Variants in MYO16 observed in about 807,000 individuals in gnomAD.
MYO16 encodes the protein myosin XVI.
In MYO16, 94 loss-of-function variants were observed where a neutral mutation model predicts 205.3. That is an observed-to-expected ratio of 0.46 (90% CI 0.39 to 0.54). MYO16 has a LOEUF of 0.54. Ranked by LOEUF, MYO16 falls within the 20% of genes least tolerant of loss-of-function variation. MYO16 has a pLI of 0.00. For synonymous variants in MYO16, 988 were observed against 954.0 expected, an observed-to-expected ratio of 1.04 and a Z score of -0.66; for missense variants, 2,315 against 2,387.5, an observed-to-expected ratio of 0.97 and a Z score of 0.63.
At chr13:109,043,923 G>A (rs1341250058) in intron 23 of MYO16, among the ~76,000 whole-genome samples, 1 of 152,194 alleles carries the variant, frequency 6.6e-6, no homozygotes, top group Non-Finnish European at 1.5e-5. Flanking sequence ...GCTGGGGCTG[G>A]AAGCTTGAAA....
At chr13:109,012,421 T>A (rs1885632790) in intron 22 of MYO16, among the ~76,000 whole-genome samples, 1 of 152,178 alleles carries the variant, frequency 6.6e-6, no homozygotes, top group African/African-American at 2.4e-5. Flanking sequence ...AGCAGGAACC[T>A]ATGAGAGGGA....
intron 9 of MYO16, among the ~76,000 whole-genome samples, chr13:108,835,151 A>C (rs1246775995): frequency 4.6e-5 from 7 of 152,048 alleles, no homozygotes; most frequent in Non-Finnish European, 8.8e-5. Context: ...CCCAAATCTC[A>C]TCTTGAATTA....
intron 4 of MYO16, among the ~76,000 whole-genome samples, chr13:108,772,238 G>A (rs966054630): frequency 6.6e-6 from 1 of 151,984 alleles, no homozygotes; most frequent in Non-Finnish European, 1.5e-5. Flanking sequence ...GCACACCTGT[G>A]GTCCCAGCTA....
intron 4 of MYO16, among the ~76,000 whole-genome samples, chr13:108,738,873 T>A (rs1265188773): frequency 6.6e-6 from 1 of 152,206 alleles, no homozygotes; most frequent in Admixed American, 6.5e-5. Context: ...GTTGAATTGA[T>A]CCCTTTACTG....
At chr13:109,071,298 T>C (rs910693452) in intron 27 of MYO16, among the ~76,000 whole-genome samples, 19 of 152,166 alleles carry the variant, frequency 1.2e-4, no homozygotes, top group African/African-American at 4.1e-4. Context: ...TTGTCAAAAC[T>C]TGGATAACTT....
intron 16 of MYO16, among the ~76,000 whole-genome samples, chr13:108,943,406 A>G (rs1253659667): frequency 6.6e-6 from 1 of 152,184 alleles, no homozygotes; most frequent in Non-Finnish European, 1.5e-5. Context: ...TTTAAGGGTG[A>G]TATCATCAAC....
rs1315652570 is a variant in MYO16 at position 109,127,352 on chromosome 13, C to T, written c.3853C>T (p.Leu1285=). The T allele has an allele frequency of 6.2e-7, 1 of 1,613,490 alleles. No homozygotes were observed. The highest frequency in any genetic ancestry group is 1.3e-5 in the African/African-American group (1 of 74,952). Residue 1285 remains leucine (L), a synonymous_variant, in exon 31 of 35, where the codon CTG becomes TTG. Transcript: ENST00000457511. This position sits in a 1 kb window ranked among gnomAD's most constrained non-coding sequence, Gnocchi z 4.2. ...SMSVCAAVDG[L]GQCLVGPSIW... The stretch of plus-strand genomic sequence containing the variant: ...GTCAGTCTGCGCGGCCGTGGATGGC[C>T]TGGGCCAGTGCCTCGTTGGCCCGTC...
chr13:108,966,660 T>C (rs552691124), intron 20 of MYO16, among the ~76,000 whole-genome samples: 27 of 152,320 alleles, frequency 1.8e-4, no homozygotes, highest in Admixed American at 3.3e-4. Flanking sequence ...CATTAGAAGT[T>C]TGACTTATAA....
Position 108,823,117 on chromosome 13 carries a change from T to C in MYO16, c.944-8T>C, listed in dbSNP as rs1212170610. ...ATTTTTCTGATTTTTCTTATTTTTT[T>C]CTTGTAGATATTGCTGCCTCTGAGT... On this transcript the variant is annotated splice_polypyrimidine_tract_variant and splice_region_variant and intron_variant, in intron 8 of 34. Coordinates refer to ENST00000457511, the MANE Select transcript of MYO16 (RefSeq NM_001198950.3). The C allele has an allele frequency of 2.5e-6, 4 of 1,604,036 alleles. No individual in the cohort carries two copies. The highest frequency in any genetic ancestry group is 3.4e-6 in the Non-Finnish European group (4 of 1,178,124).
intron 16 of MYO16, among the ~76,000 whole-genome samples, chr13:108,927,236 G>A (rs1882048839): frequency 2.0e-5 from 3 of 152,096 alleles, no homozygotes; most frequent in Admixed American, 1.3e-4. Flanking sequence ...TGAGATGGTG[G>A]TAAATAATGC....
chr13:108,522,691 C>A, the MYO16 span, among the ~76,000 whole-genome samples: 8 of 152,038 alleles, frequency 5.3e-5, no homozygotes, highest in Non-Finnish European at 1.2e-4. Context: ...GACTGCCTGG[C>A]AATCTTTGGT....
In MYO16 at chr13:108,957,681, C is replaced by A; in HGVS notation, c.1926-7C>A. The A allele has an allele frequency of 6.3e-7, 1 of 1,597,128 alleles. No homozygotes were observed. The highest frequency in any genetic ancestry group is 1.1e-5 in the South Asian group (1 of 90,504). ...GCGATAACGTTACGTGCCTTGTCTC[C>A]TAACAGGTATTTGAACCAGACCATA... is the stretch of plus-strand genomic sequence containing the variant. On this transcript the variant is annotated splice_region_variant and splice_polypyrimidine_tract_variant and intron_variant, in intron 16 of 34. Coordinates refer to ENST00000457511, the MANE Select transcript of MYO16 (RefSeq NM_001198950.3).
chr13:109,055,264 C>T lies in MYO16; in HGVS notation c.3130-126C>T. The stretch of plus-strand genomic sequence containing the variant: ...GTAAACATACACACACACACACACA[C>T]ACACACACACAGAGTAAATGCATAA... On this transcript the variant is annotated intron_variant, in intron 26 of 34. Transcript: ENST00000457511. This position sits in a 1 kb window ranked among gnomAD's most constrained non-coding sequence, Gnocchi z 5.0. The T allele has an allele frequency of 1.1e-6, 1 of 942,862 alleles. No homozygotes were observed. Among genetic ancestry groups the T allele is most frequent in the Admixed American group, 2.7e-5 (1 of 37,320 alleles). 58.4% of individuals were successfully genotyped at this position (942,862 alleles called of 1,614,324 possible). A position where few individuals can be genotyped will look rare whatever the true frequency, so the allele number is the denominator to read the frequency against.
At chr13:108,610,558 A>G (rs1361074425) in intron 1 of MYO16, among the ~76,000 whole-genome samples, 1 of 152,158 alleles carries the variant, frequency 6.6e-6, no homozygotes, top group African/African-American at 2.4e-5. Flanking sequence ...CTACTCTAAA[A>G]TCATTTCAAA....
chr13:109,156,561 T>C (rs1228711024), intron 32 of MYO16, among the ~76,000 whole-genome samples: 3 of 152,206 alleles, frequency 2.0e-5, no homozygotes, highest in East Asian at 1.9e-4. Flanking sequence ...TCCCATCTCA[T>C]AGGATTCTAA....
Position 109,190,946 on chromosome 13 carries a change from C to T in MYO16, c.5415+11313C>T, listed in dbSNP as rs536035945. On this transcript the variant is annotated intron_variant, in intron 34 of 34. Coordinates refer to ENST00000457511, the MANE Select transcript of MYO16 (RefSeq NM_001198950.3). ...TAAAATTGAATTTTCAGGCTGGGTG[C>T]AGTGGCTCATGTCTGTAATCCCAGC... Among the ~76,000 whole-genome samples, 178 of 152,120 alleles carry T rather than the reference C, an allele frequency of 1.2e-3. 1 individual carries two copies. Among genetic ancestry groups the T allele is most frequent in the Non-Finnish European group, 2.2e-3 (153 of 68,024 alleles).
chr13:109,087,411 C>T (rs1255642588), intron 27 of MYO16, among the ~76,000 whole-genome samples: 2 of 152,180 alleles, frequency 1.3e-5, no homozygotes, highest in Non-Finnish European at 2.9e-5. Flanking sequence ...TTTGGAAGGC[C>T]GAGGTGGGCT....
chr13:109,138,810 TA>T lies in MYO16; in HGVS notation c.4052-1452del, dbSNP rs1308326960. 1.1e-4 allele frequency among the ~76,000 whole-genome samples: 16 copies of T among 152,018 alleles called. No homozygotes were observed. The East Asian group carries it at 2.3e-3, about 22-fold the overall frequency. ...TTTACATCATTTATTTAATTTAATT[TA>T]ATTTATTTATTTATTTATTTAATTT... On this transcript the variant is annotated intron_variant, in intron 31 of 34. Transcript: ENST00000457511.
chr13:108,544,997 T>G, the MYO16 span, among the ~76,000 whole-genome samples: 3 of 152,018 alleles, frequency 2.0e-5, no homozygotes, highest in African/African-American at 7.2e-5. Context: ...TCTTTTCTTT[T>G]TTTTTTAATT....
Sources: allele counts gnomAD v4.1 joint callset (sites outside exome capture counted in the v4.1 genomes callset), GRCh38; gene constraint gnomAD v4.1.1; non-coding constraint Gnocchi (gnomAD v3.1); transcripts MANE v1.5; gene names NCBI Gene and HGNC (gene_info 2026-07-23, HGNC 2026-07-21).